Variants in SLC9A3 observed in about 807,000 individuals in gnomAD.
SLC9A3 encodes sodium/hydrogen exchanger 3.
In SLC9A3, 37 loss-of-function variants were observed where a neutral mutation model predicts 86.8. The observed-to-expected ratio is 0.43, with a 90% confidence interval of 0.33 to 0.56. SLC9A3 has a LOEUF of 0.56. Ranked by LOEUF, SLC9A3 falls within the 20% of genes least tolerant of loss-of-function variation. The pLI, the probability that SLC9A3 is intolerant of heterozygous loss-of-function variation, is 0.06. For missense variants in SLC9A3, 1,011 were observed against 1,171.9 expected (o/e 0.86, Z 2.00); for synonymous variants, 581 against 528.3 (o/e 1.10, Z -1.37).
At chr5:506,726 A>G (rs1367927451) in intron 1 of SLC9A3, among the ~76,000 whole-genome samples, 1 of 152,152 alleles carries the variant, frequency 6.6e-6, no homozygotes, top group East Asian at 1.9e-4. Context: ...TTGTTCTCAA[A>G]CCCAAGGAAA....
intron 5 of SLC9A3, among the ~76,000 whole-genome samples, chr5:483,823 T>C (rs1226278025): frequency 1.3e-5 from 2 of 152,260 alleles, no homozygotes; most frequent in African/African-American, 4.8e-5. Context: ...CAACTCCTTA[T>C]TTTAAAATTT....
At position 470,559 on chromosome 5, in the gene SLC9A3, C is replaced by T. The variant is rs538970290; in HGVS notation, c.*2820G>A. ...TTGGTCTAGTAATCGTTCAGGATTTCGGTGATGGGCCCTCCCTGTCTGGAC... is the reference window on the plus strand; with the variant it reads ...TTGGTCTAGTAATCGTTCAGGATTTTGGTGATGGGCCCTCCCTGTCTGGAC... On this transcript the variant is annotated 3_prime_UTR_variant, in exon 17 of 17. Transcript: ENST00000264938. 2.0e-5 allele frequency: 3 copies of T among 152,398 alleles called. No homozygotes were observed. Among genetic ancestry groups the T allele is most frequent in the South Asian group, 2.1e-4 (1 of 4,822 alleles). 9.4% of individuals were successfully genotyped at this position (152,398 alleles called of 1,614,324 possible).
rs768220864 is a variant in SLC9A3, at chr5:490,791, C to T, written c.514+978G>A. Among the ~76,000 whole-genome samples the T allele has an allele frequency of 5.3e-5, 8 of 152,336 alleles. No homozygotes were observed. In the East Asian group the frequency reaches 5.8e-4, roughly 11 times the overall value. ...ACCACCTATGGCATCGCCCACGTGACGGGCCTGCCATCCATGAGCCTGTCT... is the reference window on the plus strand; with the variant it reads ...ACCACCTATGGCATCGCCCACGTGATGGGCCTGCCATCCATGAGCCTGTCT... On this transcript the variant is annotated intron_variant, in intron 2 of 16. Transcript: ENST00000264938.
At chr5:485,107 CAG>C (rs1309945733) in intron 4 of SLC9A3, 44 bp downstream of exon 4, 1 of 1,411,106 alleles carries the variant, frequency 7.1e-7, no homozygotes. Context: ...CAGTTGGCCC[CAG>C]AGGAGACACG....
chr5:494,040 C>T (rs907284235), intron 1 of SLC9A3, among the ~76,000 whole-genome samples: 24 of 152,330 alleles, frequency 1.6e-4, no homozygotes, highest in African/African-American at 5.3e-4. Context: ...CTCGGGGCCC[C>T]GCTCAGAGCT....
intron 1 of SLC9A3, among the ~76,000 whole-genome samples, chr5:520,644 G>A (rs60016610): frequency 0.033 from 5,013 of 152,210 alleles, 240 homozygotes; most frequent in African/African-American, 0.1. Flanking sequence ...CGCTAGGTGG[G>A]GACCAAAGTC....
rs748621132 is a variant in SLC9A3 at position 483,311 on chromosome 5, C to T, written c.1104G>A (p.Thr368=). 51 of 1,563,218 alleles carry T rather than the reference C, an allele frequency of 3.3e-5. No homozygotes were observed. Among genetic ancestry groups the T allele is most frequent in the East Asian group, 7.2e-5 (3 of 41,534 alleles). Residue 368 remains threonine, a synonymous_variant, in exon 6 of 17, where the codon ACG becomes ACA. Transcript: ENST00000264938. ...AVNPFIWTWN[T]AFVLLTLVFI... ...AGACCAGCGTCAGGAGCACGAAGGC[C>T]GTGTTCCAGGTCCAGATGAACGGGT...
At chr5:507,313 GC>G (rs1217552769) in intron 1 of SLC9A3, among the ~76,000 whole-genome samples, 2 of 144,478 alleles carry the variant, frequency 1.4e-5, no homozygotes, top group Non-Finnish European at 3.0e-5. Context: ...GACTACAGGC[GC>G]CCGCCACCAC....
chr5:514,030 G>A (rs1733653089), intron 1 of SLC9A3, among the ~76,000 whole-genome samples: 1 of 152,234 alleles, frequency 6.6e-6, no homozygotes, highest in South Asian at 2.1e-4. Flanking sequence ...TGGGCGGTGG[G>A]CAAAATCCAG....
At chr5:506,349 C>T (rs1425079609) in intron 1 of SLC9A3, among the ~76,000 whole-genome samples, 1 of 152,188 alleles carries the variant, frequency 6.6e-6, no homozygotes, top group Non-Finnish European at 1.5e-5. Flanking sequence ...GGAGAGGGTG[C>T]TGGGGTGCGC....
chr5:514,322 GCTGTCCCTCCAGGGGCT>G (rs1362875361), intron 1 of SLC9A3, among the ~76,000 whole-genome samples: 5 of 152,220 alleles, frequency 3.3e-5, no homozygotes, highest in Admixed American at 3.3e-4. Context: ...TGCCGCCAGG[GCTGTCCCTCCAGGGGCT>G]CTGTCCCTCA....
At chr5:490,281 G>A (rs370311283) in intron 2 of SLC9A3, among the ~76,000 whole-genome samples, 31 of 75,990 alleles carry the variant, frequency 4.1e-4, no homozygotes, top group African/African-American at 1.1e-3. Flanking sequence ...CATGAGGAGC[G>A]TTGTTGGAGG....
rs926643595 is a variant in SLC9A3, at chr5:496,835, G to C, written c.212-4764C>G. 6.6e-6 allele frequency among the ~76,000 whole-genome samples: 1 copy of C among 152,068 alleles called. No individual in the cohort carries two copies. Among genetic ancestry groups the C allele is most frequent in the Non-Finnish European group, 1.5e-5 (1 of 68,016 alleles). On this transcript the variant is annotated intron_variant, in intron 1 of 16. Transcript: ENST00000264938. The surrounding 1 kb of genome is among the most constrained non-coding windows in gnomAD (Gnocchi z 4.7). ...GGAGGCCAAGGCAGGTGGATCCCTT[G>C]AGCCCAGGAGTTCGAGACCAGCCTG...
At chr5:482,799 G>C (rs779469697) in intron 6 of SLC9A3, 49 bp from the exon 7 acceptor site, 9 of 1,463,000 alleles carry the variant, frequency 6.2e-6, no homozygotes, top group African/African-American at 1.4e-5. Flanking sequence ...CCTCCCAGCC[G>C]CGGGACCCCA....
intron 1 of SLC9A3, among the ~76,000 whole-genome samples, chr5:517,957 C>T (rs563882395): frequency 6.6e-6 from 1 of 152,194 alleles, no homozygotes; most frequent in Non-Finnish European, 1.5e-5. Context: ...ATCCACCCTT[C>T]CATCCATTTA....
chr5:492,345 G>A (rs1354714288), intron 1 of SLC9A3, among the ~76,000 whole-genome samples: 1 of 89,858 alleles, frequency 1.1e-5, no homozygotes, highest in African/African-American at 6.2e-5. Flanking sequence ...AGGTAGGTGG[G>A]GGGAGCCCAT....
At chr5:482,206 C>A in intron 7 of SLC9A3, 49 bp from the exon 8 acceptor site, 1 of 1,423,700 alleles carries the variant, frequency 7.0e-7, no homozygotes, top group South Asian at 1.2e-5. Flanking sequence ...CCCCCACATC[C>A]CGCTGGCCCG....
At chr5:506,358 G>A (rs989865841) in intron 1 of SLC9A3, among the ~76,000 whole-genome samples, 1 of 152,314 alleles carries the variant, frequency 6.6e-6, no homozygotes, top group East Asian at 1.9e-4. Context: ...GCTGGGGTGC[G>A]CGGCAGGGCC....
rs1438014230 is a variant in SLC9A3 at position 473,199 on chromosome 5, G to GGCGCAGGCGCGGCACTCTCGGAGTTCT, written c.*153_*179dup. 244 of 575,582 alleles carry GGCGCAGGCGCGGCACTCTCGGAGTTCT rather than the reference G, an allele frequency of 4.2e-4. No individual in the cohort carries two copies. The highest frequency in any genetic ancestry group is 1.8e-4 in the Non-Finnish European group (74 of 411,500). 35.7% of individuals were successfully genotyped at this position (575,582 alleles called of 1,614,324 possible). On this transcript the variant is annotated 3_prime_UTR_variant, in exon 17 of 17. Transcript: ENST00000264938. ...CGGCTCGCCCTCGGGCGGCTCTGCG[G>GGCGCAGGCGCGGCACTCTCGGAGTTCT]GCGCAGGCGCGGCACTCTCGGAGTT...
Sources: allele counts gnomAD v4.1 joint callset (sites outside exome capture counted in the v4.1 genomes callset), GRCh38; gene constraint gnomAD v4.1.1; non-coding constraint Gnocchi (gnomAD v3.1); transcripts MANE v1.5; gene names NCBI Gene and HGNC (gene_info 2026-07-23, HGNC 2026-07-21).